The following EFCAB13 variants were observed in gnomAD, a reference collection of about 807,000 sequenced individuals.
The protein encoded by EFCAB13 is EF-hand calcium binding domain 13.
In EFCAB13, 91 loss-of-function variants were observed where a neutral mutation model predicts 110.2. The ratio of observed to expected loss-of-function variants is 0.83; its 90% CI spans 0.70 to 0.98. The LOEUF (loss-of-function observed/expected upper bound fraction) is 0.98, where lower values mean the gene tolerates loss of function less well. Among genes scored for constraint, EFCAB13 ranks in the 50% least tolerant of loss-of-function variants. The probability of loss-of-function intolerance (pLI) is 0.00; values close to 1 mark genes in which losing one functional copy is unlikely to be tolerated. For synonymous variants in EFCAB13, 323 were observed against 369.9 expected, an observed-to-expected ratio of 0.87 and a Z score of 1.45; for missense variants, 968 against 1,119.4, an observed-to-expected ratio of 0.86 and a Z score of 1.93.
Position 47,334,887 on chromosome 17 carries a change from C to T in EFCAB13, c.31-309C>T, listed in dbSNP as rs572704458. ...CCATGATTGCACCACGGACTCCACC[C>T]TAGGCAACAAAAAGAGACCCTGTCT... On this transcript the variant is annotated intron_variant, in intron 4 of 24. Coordinates refer to ENST00000331493, the MANE Select transcript of EFCAB13 (RefSeq NM_152347.5). 3.9e-5 allele frequency among the ~76,000 whole-genome samples: 6 copies of T among 152,168 alleles called. No homozygotes were observed. In the East Asian group the frequency reaches 1.2e-3, roughly 29 times the overall value.
At chr17:47,398,651 C>T (rs2065761633) in intron 17 of EFCAB13, among the ~76,000 whole-genome samples, 1 of 151,372 alleles carries the variant, frequency 6.6e-6, no homozygotes, top group Non-Finnish European at 1.5e-5. Context: ...TGCTTGAAGG[C>T]AGCATGCTCC....
chr17:47,349,225 A>G (rs1405318265), intron 9 of EFCAB13, among the ~76,000 whole-genome samples: 1 of 152,216 alleles, frequency 6.6e-6, no homozygotes, highest in Non-Finnish European at 1.5e-5. Context: ...ATTCCTCTAT[A>G]GGCTATTTCT....
chr17:47,397,435 C>G (rs1036236166), intron 17 of EFCAB13, among the ~76,000 whole-genome samples: 2 of 150,108 alleles, frequency 1.3e-5, no homozygotes, highest in African/African-American at 4.9e-5. Context: ...GGCCGCCACC[C>G]CGTCTGGGAA....
chr17:47,325,923 AATATAT>A lies in EFCAB13; in HGVS notation c.-247-269_-247-264del, dbSNP rs60735562. On this transcript the variant is annotated intron_variant, in intron 2 of 24. Coordinates refer to ENST00000331493, the MANE Select transcript of EFCAB13 (RefSeq NM_152347.5). ...GCAGATTTTATATATATATAAACAAAATATATATATATATATATATATATATATATA... is the reference window on the plus strand; with the variant it reads ...GCAGATTTTATATATATATAAACAAAATATATATATATATATATATATATA... 7.0e-3 allele frequency among the ~76,000 whole-genome samples: 720 copies of A among 102,530 alleles called. 21 individuals carry two copies. Among genetic ancestry groups the A allele is most frequent in the East Asian group, 0.026 (74 of 2,826 alleles). 67.3% of individuals were successfully genotyped at this position (102,530 alleles called of 152,430 possible). A position where few individuals can be genotyped will look rare whatever the true frequency, so the allele number is the denominator to read the frequency against.
intron 11 of EFCAB13, among the ~76,000 whole-genome samples, chr17:47,372,820 T>G (rs2065592359): frequency 6.6e-6 from 1 of 152,152 alleles, no homozygotes; most frequent in African/African-American, 2.4e-5. Flanking sequence ...AACGTATATG[T>G]TATTTACTTT....
Position 47,324,435 on chromosome 17 carries a change from G to C in EFCAB13, c.-317-19G>C, listed in dbSNP as rs573102082. Reference sequence around the variant, plus strand: ...GGGTCGTTCACTCGCTAGCTTACAGGTCCTCTTTCTTCCTGTAGAAGTCGT... The same window carrying C: ...GGGTCGTTCACTCGCTAGCTTACAGCTCCTCTTTCTTCCTGTAGAAGTCGT... On this transcript the variant is annotated intron_variant, in intron 1 of 24. Transcript: ENST00000331493. The C allele has an allele frequency of 2.6e-5, 4 of 152,210 alleles. No homozygotes were observed. In the East Asian group the frequency reaches 7.7e-4, roughly 29 times the overall value. 9.4% of individuals were successfully genotyped at this position (152,210 alleles called of 1,614,324 possible).
chr17:47,331,082 T>C (rs903915227), intron 4 of EFCAB13, among the ~76,000 whole-genome samples: 1 of 152,146 alleles, frequency 6.6e-6, no homozygotes, highest in Non-Finnish European at 1.5e-5. Context: ...TTGAGAAATA[T>C]CTGTTCATGT....
chr17:47,394,137 C>A (rs781296805), intron 16 of EFCAB13, 38 bp downstream of exon 16: 44 of 1,328,252 alleles, frequency 3.3e-5, no homozygotes, highest in Non-Finnish European at 4.4e-5. Flanking sequence ...TTTTGTGGAC[C>A]AAATAGTTTG....
At chr17:47,417,838 G>A (rs186606884) in intron 23 of EFCAB13, among the ~76,000 whole-genome samples, 18 of 152,288 alleles carry the variant, frequency 1.2e-4, no homozygotes, top group African/African-American at 3.8e-4. Context: ...AGCCTTTCAT[G>A]TTCTCTCTGT....
chr17:47,329,804 T>A (rs1248509373), intron 4 of EFCAB13: 1 of 152,174 alleles, frequency 6.6e-6, no homozygotes, highest in Non-Finnish European at 1.5e-5. Context: ...AGCTTTCTAT[T>A]TTGGGTCATT....
At chr17:47,351,769 T>C (rs2065454505) in intron 9 of EFCAB13, among the ~76,000 whole-genome samples, 1 of 152,282 alleles carries the variant, frequency 6.6e-6, no homozygotes, top group South Asian at 2.1e-4. Context: ...TCTTTTGCTG[T>C]GCAGAAGCTT....
intron 23 of EFCAB13, among the ~76,000 whole-genome samples, chr17:47,422,407 T>G (rs1203028475): frequency 6.6e-6 from 1 of 152,072 alleles, no homozygotes; most frequent in Non-Finnish European, 1.5e-5. Context: ...CAAAACAGAA[T>G]AAGAAAGATA....
At chr17:47,399,025 C>T (rs1241772852) in intron 17 of EFCAB13, among the ~76,000 whole-genome samples, 2 of 152,110 alleles carry the variant, frequency 1.3e-5, no homozygotes, top group African/African-American at 2.4e-5. Context: ...CCGGTTCAAG[C>T]GATTCTGCTG....
At chr17:47,328,043 T>C in intron 3 of EFCAB13, 1 of 469,090 alleles carries the variant, frequency 2.1e-6, no homozygotes, top group Non-Finnish European at 3.7e-6. Context: ...CATTTGAAAC[T>C]GGATTTCTCA....
intron 14 of EFCAB13, among the ~76,000 whole-genome samples, chr17:47,391,099 C>T (rs2143409861): frequency 6.6e-6 from 1 of 152,158 alleles, no homozygotes; most frequent in South Asian, 2.1e-4. Flanking sequence ...ACCACTATGC[C>T]CAGCTAATTT....
chr17:47,381,254 C>T (rs1363635165), intron 14 of EFCAB13, among the ~76,000 whole-genome samples: 1 of 152,012 alleles, frequency 6.6e-6, no homozygotes, highest in East Asian at 1.9e-4. Context: ...TGAATATCAG[C>T]CCTTTGTCAG....
chr17:47,420,860 G>A (rs369648654), intron 23 of EFCAB13, among the ~76,000 whole-genome samples: 512 of 103,506 alleles, frequency 4.9e-3, no homozygotes, highest in Middle Eastern at 0.016. Flanking sequence ...CGGGAGGGAG[G>A]TGGGGGGGTC....
At chr17:47,408,267 A>T (rs1276456152) in intron 20 of EFCAB13, among the ~76,000 whole-genome samples, 1 of 152,178 alleles carries the variant, frequency 6.6e-6, no homozygotes, top group Non-Finnish European at 1.5e-5. Context: ...TACCTGATCC[A>T]TCTATATAGC....
chr17:47,416,698 T>G (rs1904461148), intron 23 of EFCAB13, among the ~76,000 whole-genome samples: 1 of 152,186 alleles, frequency 6.6e-6, no homozygotes, highest in Non-Finnish European at 1.5e-5. Context: ...GGTTTTCTGT[T>G]TCTGTGTTAA....
Sources: allele counts gnomAD v4.1 joint callset (sites outside exome capture counted in the v4.1 genomes callset), GRCh38; gene constraint gnomAD v4.1.1; transcripts MANE v1.5; gene names NCBI Gene and HGNC (gene_info 2026-07-23, HGNC 2026-07-21).